Variants in EHBP1 observed in about 807,000 individuals in gnomAD.
The protein encoded by EHBP1 is EH domain binding protein 1.
In EHBP1, 55 loss-of-function variants were observed where a neutral mutation model predicts 144.0. That is an observed-to-expected ratio of 0.38 (90% CI 0.31 to 0.48). EHBP1 has a LOEUF of 0.48. EHBP1 is among the 20% of genes least tolerant of loss of function. The pLI is 0.98. For missense variants in EHBP1, 1,200 were observed against 1,364.2 expected (o/e 0.88, Z 1.90); for synonymous variants, 469 against 472.7 (o/e 0.99, Z 0.10).
intron 7 of EHBP1, among the ~76,000 whole-genome samples, chr2:62,837,567 C>G (rs1464026893): frequency 2.6e-5 from 4 of 151,716 alleles, no homozygotes; most frequent in Non-Finnish European, 4.4e-5. Flanking sequence ...GAGTCAAGAT[C>G]CATCAGTGTG....
chr2:62,894,345 C>T (rs533745972), intron 10 of EHBP1, among the ~76,000 whole-genome samples: 3 of 152,256 alleles, frequency 2.0e-5, no homozygotes, highest in Admixed American at 2.0e-4. Context: ...GCTATCTCTT[C>T]TTCTGAATGC....
At chr2:62,803,105 CG>C (rs1415890805) in intron 5 of EHBP1, among the ~76,000 whole-genome samples, 1 of 152,082 alleles carries the variant, frequency 6.6e-6, no homozygotes, top group Non-Finnish European at 1.5e-5. Context: ...GTGAGTGCCA[CG>C]TTAGAGTACA....
At chr2:62,946,921 G>C (rs2057104382) in intron 12 of EHBP1, among the ~76,000 whole-genome samples, 1 of 152,074 alleles carries the variant, frequency 6.6e-6, no homozygotes. Flanking sequence ...TCTGTAAAAA[G>C]TGCTGAATAA....
chr2:62,928,856 A>G (rs2055751304), intron 10 of EHBP1, among the ~76,000 whole-genome samples: 2 of 150,888 alleles, frequency 1.3e-5, no homozygotes, highest in African/African-American at 2.4e-5. Context: ...AAAAAAAAAA[A>G]GAGAAAAGGC....
chr2:62,757,323 C>T (rs2040374071), intron 3 of EHBP1, among the ~76,000 whole-genome samples: 1 of 151,482 alleles, frequency 6.6e-6, no homozygotes, highest in Non-Finnish European at 1.5e-5. Context: ...TGGGATTTAC[C>T]ATGTTGCGCA....
chr2:62,799,819 T>C (rs1023195217), intron 5 of EHBP1, among the ~76,000 whole-genome samples: 4 of 152,200 alleles, frequency 2.6e-5, no homozygotes, highest in Non-Finnish European at 5.9e-5. Context: ...AAGCGTGTAC[T>C]CTAACAGTGG....
chr2:62,917,802 A>G lies in EHBP1; in HGVS notation c.1186-24916A>G, dbSNP rs531074502. Among the ~76,000 whole-genome samples the G allele has an allele frequency of 2.0e-5, 3 of 152,278 alleles. No individual in the cohort carries two copies. The East Asian group carries it at 5.8e-4, about 29-fold the overall frequency. ...TCATTCTTGGACCAGCAAAATGTAT[A>G]GGAGCATAACAGACCTACAGAGGAA... On this transcript the variant is annotated intron_variant, in intron 10 of 22. Coordinates refer to ENST00000431489, the MANE Select transcript of EHBP1 (RefSeq NM_001142616.3).
At chr2:62,906,449 G>C (rs2539984) in intron 10 of EHBP1, among the ~76,000 whole-genome samples, 71,296 of 151,880 alleles carry the variant, frequency 0.47, 16,978 homozygotes, top group South Asian at 0.59. Context: ...ATTTCCATAT[G>C]AACTTTAGCA....
At chr2:62,912,456 G>A (rs2054300184) in intron 10 of EHBP1, among the ~76,000 whole-genome samples, 1 of 152,154 alleles carries the variant, frequency 6.6e-6, no homozygotes, top group Non-Finnish European at 1.5e-5. Context: ...GGAGGCTGAG[G>A]TAGGGGAATG....
chr2:62,924,225 C>T (rs1410985026), intron 10 of EHBP1, among the ~76,000 whole-genome samples: 1 of 152,080 alleles, frequency 6.6e-6, no homozygotes, highest in African/African-American at 2.4e-5. Flanking sequence ...TAACCTATGG[C>T]CACAGGAGAA....
At chr2:62,844,460 T>C (rs2048153001) in intron 7 of EHBP1, among the ~76,000 whole-genome samples, 1 of 152,106 alleles carries the variant, frequency 6.6e-6, no homozygotes, top group African/African-American at 2.4e-5. Context: ...GCAGGAGTGA[T>C]AGACCTTGGA....
intron 6 of EHBP1, among the ~76,000 whole-genome samples, chr2:62,828,683 G>A (rs892930676): frequency 6.6e-6 from 1 of 152,154 alleles, no homozygotes; most frequent in Non-Finnish European, 1.5e-5. Context: ...AAAAGCCTAC[G>A]TGGACTTCAG....
intron 1 of EHBP1, among the ~76,000 whole-genome samples, chr2:62,677,844 T>C (rs1265820590): frequency 6.6e-6 from 1 of 152,220 alleles, no homozygotes; most frequent in Non-Finnish European, 1.5e-5. Context: ...TGAATAGTAC[T>C]CCACTGTGAT....
intron 19 of EHBP1, among the ~76,000 whole-genome samples, chr2:63,017,952 C>T (rs1429076738): frequency 6.6e-6 from 1 of 152,114 alleles, no homozygotes; most frequent in East Asian, 1.9e-4. Flanking sequence ...TTGCTTGAAG[C>T]CAAGAGTTGA....
intron 2 of EHBP1, among the ~76,000 whole-genome samples, chr2:62,723,074 T>C (rs1189896567): frequency 6.6e-6 from 1 of 152,214 alleles, no homozygotes; most frequent in African/African-American, 2.4e-5. Flanking sequence ...TCAAAGTTTC[T>C]GCCTTAGTGA....
intron 5 of EHBP1, among the ~76,000 whole-genome samples, chr2:62,818,435 G>T (rs952550516): frequency 1.3e-5 from 2 of 152,036 alleles, no homozygotes; most frequent in African/African-American, 4.8e-5. Flanking sequence ...TGCTGTACAG[G>T]TTTGTAGCTT....
chr2:62,829,391 A>T (rs193288864), intron 6 of EHBP1, among the ~76,000 whole-genome samples: 1 of 151,626 alleles, frequency 6.6e-6, no homozygotes, highest in Non-Finnish European at 1.5e-5. Flanking sequence ...TCCAAAGTCC[A>T]TTATATTACT....
At chr2:62,771,937 G>T (rs1016153050) in intron 5 of EHBP1, 1 of 152,098 alleles carries the variant, frequency 6.6e-6, no homozygotes, top group African/African-American at 2.4e-5. Context: ...GTGAAACCCT[G>T]TCTCTACTAA....
At chr2:62,838,216 T>C (rs981187133) in intron 7 of EHBP1, among the ~76,000 whole-genome samples, 19 of 152,130 alleles carry the variant, frequency 1.2e-4, no homozygotes, top group African/African-American at 4.3e-4. Flanking sequence ...ACATGGAAAC[T>C]GAACAACCTG....
Sources: allele counts gnomAD v4.1 joint callset (sites outside exome capture counted in the v4.1 genomes callset), GRCh38; gene constraint gnomAD v4.1.1; transcripts MANE v1.5; gene names NCBI Gene and HGNC (gene_info 2026-07-23, HGNC 2026-07-21).